Variants in FUT8 observed in about 807,000 individuals in gnomAD.
FUT8 encodes alpha-(1,6)-fucosyltransferase.
In FUT8, 29 loss-of-function variants were observed where a neutral mutation model predicts 71.3. The observed-to-expected ratio is 0.41, with a 90% CI of 0.30 to 0.55. FUT8 has a LOEUF of 0.55. Among genes scored for constraint, FUT8 ranks in the 20% least tolerant of loss-of-function variants. FUT8 has a pLI of 0.34. For missense variants in FUT8, 544 were observed against 702.1 expected (o/e 0.77, Z 2.55); for synonymous variants, 254 against 239.3 (o/e 1.06, Z -0.57).
chr14:65,433,818 C>T (rs564571172), intron 1 of FUT8, among the ~76,000 whole-genome samples: 1 of 145,472 alleles, frequency 6.9e-6, no homozygotes, highest in South Asian at 2.2e-4. Flanking sequence ...CTCTCTCTCT[C>T]GCTGTGTTGC....
chr14:65,516,549 G>A (rs1384534155), intron 2 of FUT8, among the ~76,000 whole-genome samples: 1 of 151,948 alleles, frequency 6.6e-6, no homozygotes, highest in Non-Finnish European at 1.5e-5. Context: ...TTGGTATTAT[G>A]TTTGTTTTTT....
chr14:65,578,901 T>C (rs1157048106), intron 3 of FUT8, among the ~76,000 whole-genome samples: 1 of 152,152 alleles, frequency 6.6e-6, no homozygotes, highest in African/African-American at 2.4e-5. Flanking sequence ...TTCTGTTCTT[T>C]TTTAAAAAAA....
chr14:65,555,572 G>A lies in FUT8; in HGVS notation c.-227-5765G>A, dbSNP rs373939446. ...TTAAATTCCCTGAACTTTGGTCTTTGTCTTCTCACCTGAGGAAGATGGCTG... is the reference window on the plus strand; with the variant it reads ...TTAAATTCCCTGAACTTTGGTCTTTATCTTCTCACCTGAGGAAGATGGCTG... On this transcript the variant is annotated intron_variant, in intron 2 of 10. Transcript: ENST00000673929. Among the ~76,000 whole-genome samples the A allele has an allele frequency of 1.2e-4, 19 of 152,168 alleles. 3 individuals carry two copies. Among genetic ancestry groups the A allele is most frequent in the African/African-American group, 4.3e-4 (18 of 41,522 alleles).
intron 6 of FUT8, among the ~76,000 whole-genome samples, chr14:65,647,341 G>A (rs934565935): frequency 6.6e-6 from 1 of 152,160 alleles, no homozygotes; most frequent in African/African-American, 2.4e-5. Context: ...AGCACTTTCT[G>A]TATGCTTAGT....
chr14:65,486,056 A>T (rs1408812172), intron 2 of FUT8, among the ~76,000 whole-genome samples: 2 of 151,974 alleles, frequency 1.3e-5, no homozygotes, highest in African/African-American at 4.8e-5. Context: ...TAACCCCATT[A>T]TTTTCCATTT....
intron 1 of FUT8, among the ~76,000 whole-genome samples, chr14:65,444,053 A>G (rs1392696497): frequency 6.6e-6 from 1 of 152,112 alleles, no homozygotes; most frequent in Non-Finnish European, 1.5e-5. Flanking sequence ...CCACTTTGAA[A>G]CTCTTAATGT....
At chr14:65,739,479 G>A (rs1566925810) in intron 10 of FUT8, among the ~76,000 whole-genome samples, 1 of 152,068 alleles carries the variant, frequency 6.6e-6, no homozygotes, top group Non-Finnish European at 1.5e-5. Flanking sequence ...AGAAGAAACA[G>A]GTCTCTAAGG....
At chr14:65,708,722 T>C (rs1894676692) in intron 7 of FUT8, among the ~76,000 whole-genome samples, 1 of 152,206 alleles carries the variant, frequency 6.6e-6, no homozygotes, top group South Asian at 2.1e-4. Context: ...TCATTAGTTC[T>C]GACAGTTAAA....
rs143432010 is a variant in FUT8, at chr14:65,602,325, C to T, written c.204-13653C>T. Among the ~76,000 whole-genome samples, 53 of 125,800 alleles carry T rather than the reference C, an allele frequency of 4.2e-4. 1 individual carries two copies. The highest frequency in any genetic ancestry group is 3.8e-3 in the Middle Eastern group (1 of 260). The allele number at this position is 125,800 out of a possible 152,430, so 82.5% of individuals were successfully genotyped here. ...CATTAAATTCATTCATTTTCATGGC[C>T]GAGTAGCGTTCCATCTCTCACACAC... is the stretch of plus-strand genomic sequence containing the variant. On this transcript the variant is annotated intron_variant, in intron 3 of 10. Coordinates refer to ENST00000673929, the MANE Select transcript of FUT8 (RefSeq NM_001371533.1).
chr14:65,498,993 A>G (rs555038947), intron 2 of FUT8, among the ~76,000 whole-genome samples: 1 of 152,272 alleles, frequency 6.6e-6, no homozygotes, highest in South Asian at 2.1e-4. Flanking sequence ...AGTTGTAGGG[A>G]TGAATTAAGG....
intron 2 of FUT8, among the ~76,000 whole-genome samples, chr14:65,498,743 G>T (rs2066599392): frequency 6.6e-6 from 1 of 152,006 alleles, no homozygotes; most frequent in South Asian, 2.1e-4. Flanking sequence ...TCCTTTACAA[G>T]TTTTCCTCAA....
intron 2 of FUT8, among the ~76,000 whole-genome samples, chr14:65,461,570 A>G (rs2065969696): frequency 6.6e-6 from 1 of 152,200 alleles, no homozygotes; most frequent in South Asian, 2.1e-4. Flanking sequence ...TCTTGACAAC[A>G]GCATGGTATA....
chr14:65,388,172 C>T, the FUT8 span, among the ~76,000 whole-genome samples: 5 of 152,078 alleles, frequency 3.3e-5, no homozygotes, highest in Admixed American at 6.5e-5. Context: ...TTGCCATAGT[C>T]GAGCAAATTT....
At chr14:65,440,668 A>T (rs1291542123) in intron 1 of FUT8, among the ~76,000 whole-genome samples, 3 of 152,016 alleles carry the variant, frequency 2.0e-5, no homozygotes, top group Non-Finnish European at 4.4e-5. Context: ...CATTGTATCC[A>T]TCTGGAGTTC....
At chr14:65,408,413 G>C (rs544040292), upstream of FUT8, among the ~76,000 whole-genome samples, 9 of 152,242 alleles carry the variant, frequency 5.9e-5, no homozygotes, top group South Asian at 1.7e-3. Flanking sequence ...GGTATCTGGG[G>C]GTGGGTGTGG....
In FUT8 at chr14:65,490,016, A is replaced by G. The variant is rs139579884; in HGVS notation, c.-228+34298A>G. 2.9e-4 allele frequency among the ~76,000 whole-genome samples: 44 copies of G among 152,246 alleles called. No homozygotes were observed. The East Asian group carries it at 7.9e-3, about 27-fold the overall frequency. On this transcript the variant is annotated intron_variant, in intron 2 of 10. Coordinates refer to ENST00000673929, the MANE Select transcript of FUT8 (RefSeq NM_001371533.1). ...ATATAGTCAAAAATAGCTTTTAACT[A>G]TGAAGAAGTCTTCCTATCAAATTCT...
At chr14:65,656,971 C>A (rs1330382048) in intron 6 of FUT8, among the ~76,000 whole-genome samples, 1 of 152,086 alleles carries the variant, frequency 6.6e-6, no homozygotes, top group African/African-American at 2.4e-5. Context: ...TTATATTAGA[C>A]CCCAGCCTCT....
At chr14:65,564,935 C>T (rs1180447698) in intron 3 of FUT8, among the ~76,000 whole-genome samples, 1 of 151,606 alleles carries the variant, frequency 6.6e-6, no homozygotes, top group Non-Finnish European at 1.5e-5. Flanking sequence ...GTGTCTTAGC[C>T]CATTTAGCAT....
rs553505095 is a variant in FUT8 at position 65,507,933 on chromosome 14, G to T, written c.-228+52215G>T. Among the ~76,000 whole-genome samples, 14 of 152,170 alleles carry T rather than the reference G, an allele frequency of 9.2e-5. No individual in the cohort carries two copies. The East Asian group carries it at 2.7e-3, about 29-fold the overall frequency. On this transcript the variant is annotated intron_variant, in intron 2 of 10. Transcript: ENST00000673929. Reference sequence around the variant, plus strand: ...ACATTCCCACCAACAGTGTATGAGGGTTCTCTTTTTTCCACATCTTTGCCA... The same window carrying T: ...ACATTCCCACCAACAGTGTATGAGGTTTCTCTTTTTTCCACATCTTTGCCA...
Sources: allele counts gnomAD v4.1 joint callset (sites outside exome capture counted in the v4.1 genomes callset), GRCh38; gene constraint gnomAD v4.1.1; transcripts MANE v1.5; gene names NCBI Gene and HGNC (gene_info 2026-07-23, HGNC 2026-07-21).